Variants in CADM2 observed in about 807,000 individuals in gnomAD.
CADM2 encodes immunoglobulin superfamily member 4D.
Under a neutral mutation model 49.8 loss-of-function variants are expected in CADM2, and 12 were observed. The observed-to-expected ratio is 0.24, with a 90% confidence interval of 0.15 to 0.39. The LOEUF is 0.39. Ranked by LOEUF, CADM2 falls within the 10% of genes least tolerant of loss-of-function variation. CADM2 has a pLI of 1.00. For synonymous variants in CADM2, 214 were observed against 175.4 expected, an observed-to-expected ratio of 1.22 and a Z score of -1.74; for missense variants, 378 against 492.3, an observed-to-expected ratio of 0.77 and a Z score of 2.20.
At chr3:85,840,681 C>T (rs2074602840) in intron 3 of CADM2, among the ~76,000 whole-genome samples, 1 of 151,756 alleles carries the variant, frequency 6.6e-6, no homozygotes, top group Non-Finnish European at 1.5e-5. Flanking sequence ...CTGTTACTTG[C>T]AGTATCCCTT....
At chr3:85,556,572 C>A (rs1327820034) in intron 1 of CADM2, among the ~76,000 whole-genome samples, 1 of 152,126 alleles carries the variant, frequency 6.6e-6, no homozygotes, top group Non-Finnish European at 1.5e-5. Context: ...GCAATGACAG[C>A]AGTCGTTATT....
chr3:85,766,989 A>G (rs547378437), intron 2 of CADM2, among the ~76,000 whole-genome samples: 3 of 152,268 alleles, frequency 2.0e-5, no homozygotes, highest in Admixed American at 6.5e-5. Context: ...ACAGGGTATG[A>G]AACAACAAAT....
intron 1 of CADM2, among the ~76,000 whole-genome samples, chr3:85,386,099 A>AT (rs2034213369): frequency 6.6e-6 from 1 of 152,092 alleles, no homozygotes; most frequent in Non-Finnish European, 1.5e-5. Context: ...ATACTACTTT[A>AT]TTTGCATCCT....
rs534386772 is a variant in CADM2 at position 85,659,612 on chromosome 3, T to G, written c.62-66910T>G. Reference sequence around the variant, plus strand: ...TTTCATTCAGAATTCCAGATAAAGCTCTCCATAAATCCTTATGTAGCATTT... The same window carrying G: ...TTTCATTCAGAATTCCAGATAAAGCGCTCCATAAATCCTTATGTAGCATTT... On this transcript the variant is annotated intron_variant, in intron 1 of 9. Coordinates refer to ENST00000383699, the MANE Select transcript of CADM2 (RefSeq NM_001167675.2). 3.3e-3 allele frequency among the ~76,000 whole-genome samples: 507 copies of G among 152,256 alleles called. 4 individuals carry two copies. The highest frequency in any genetic ancestry group is 6.2e-3 in the South Asian group (30 of 4,828).
chr3:85,315,996 T>C (rs2044456859), intron 1 of CADM2, among the ~76,000 whole-genome samples: 1 of 152,164 alleles, frequency 6.6e-6, no homozygotes, highest in Non-Finnish European at 1.5e-5. Context: ...ACACATTGTC[T>C]TCTAACTGTA....
chr3:85,697,267 A>G (rs2066597803), intron 1 of CADM2, among the ~76,000 whole-genome samples: 1 of 151,840 alleles, frequency 6.6e-6, no homozygotes, highest in Admixed American at 6.6e-5. Context: ...AATCCACATA[A>G]TATTCCCAAA....
At chr3:85,380,016 A>G (rs1283007859) in intron 1 of CADM2, among the ~76,000 whole-genome samples, 1 of 152,022 alleles carries the variant, frequency 6.6e-6, no homozygotes, top group Admixed American at 6.6e-5. Context: ...TTTCTGAAAA[A>G]CATGTCCAAT....
chr3:85,815,517 C>G, intron 3 of CADM2, among the ~76,000 whole-genome samples: 1 of 151,846 alleles, frequency 6.6e-6, no homozygotes, highest in South Asian at 2.1e-4. Flanking sequence ...TCAATAGATG[C>G]AAAAAAGGTC....
chr3:85,166,038 A>G (rs1408624750), intron 1 of CADM2, among the ~76,000 whole-genome samples: 1 of 151,764 alleles, frequency 6.6e-6, no homozygotes, highest in African/African-American at 2.4e-5. Context: ...TATTAACCCA[A>G]CATGTAGTTC....
Position 85,127,225 on chromosome 3 carries a change from T to C in CADM2, c.61+167557T>C, listed in dbSNP as rs182304031. On this transcript the variant is annotated intron_variant, in intron 1 of 9. Transcript: ENST00000383699. ...TGTGTGGAAAACATATCTACCAAAATATATTTATATGTATTAAGCTTCCTT... is the reference window on the plus strand; with the variant it reads ...TGTGTGGAAAACATATCTACCAAAACATATTTATATGTATTAAGCTTCCTT... 3.4e-4 allele frequency among the ~76,000 whole-genome samples: 52 copies of C among 152,316 alleles called. 1 individual carries two copies. In the East Asian group the frequency reaches 8.9e-3, roughly 26 times the overall value.
At chr3:85,856,682 A>G (rs937090788) in intron 3 of CADM2, among the ~76,000 whole-genome samples, 1 of 152,176 alleles carries the variant, frequency 6.6e-6, no homozygotes, top group African/African-American at 2.4e-5. Flanking sequence ...ATATTAAATA[A>G]TATGTTGAAA....
intron 1 of CADM2, among the ~76,000 whole-genome samples, chr3:84,998,627 A>C (rs776724957): frequency 5.3e-5 from 8 of 152,150 alleles, no homozygotes; most frequent in Non-Finnish European, 1.0e-4. Flanking sequence ...GTAAATTTTG[A>C]GACTTGCAAC....
At chr3:85,529,627 G>T (rs1348026038) in intron 1 of CADM2, among the ~76,000 whole-genome samples, 2 of 151,902 alleles carry the variant, frequency 1.3e-5, no homozygotes, top group Admixed American at 1.3e-4. Context: ...ATTAAAACAT[G>T]GTCTACCTTG....
rs1048165299 is a variant in CADM2, at chr3:85,446,904, GA to G, written c.62-279616del. Among the ~76,000 whole-genome samples, 22 of 147,212 alleles carry G rather than the reference GA, an allele frequency of 1.5e-4. No individual in the cohort carries two copies. In the Admixed American group the frequency reaches 1.5e-3, roughly 10 times the overall value. ...GGCATGAGCCACTGCACCTGGCCATGAACGATTTTTAGTGCCTCTTCAGTCA... is the reference window on the plus strand; with the variant it reads ...GGCATGAGCCACTGCACCTGGCCATGACGATTTTTAGTGCCTCTTCAGTCA... On this transcript the variant is annotated intron_variant, in intron 1 of 9. Coordinates refer to ENST00000383699, the MANE Select transcript of CADM2 (RefSeq NM_001167675.2).
intron 1 of CADM2, among the ~76,000 whole-genome samples, chr3:85,710,602 G>A (rs148122422): frequency 6.6e-6 from 1 of 152,188 alleles, no homozygotes; most frequent in East Asian, 1.9e-4. Context: ...CATTGATTGA[G>A]GACAGTTTAA....
intron 1 of CADM2, among the ~76,000 whole-genome samples, chr3:85,165,978 A>G (rs1444244160): frequency 2.0e-5 from 3 of 151,774 alleles, no homozygotes; most frequent in Non-Finnish European, 4.4e-5. Flanking sequence ...GTATCATTCT[A>G]TAAAGCCACT....
At chr3:85,543,883 G>A (rs549507628) in intron 1 of CADM2, among the ~76,000 whole-genome samples, 3 of 152,202 alleles carry the variant, frequency 2.0e-5, no homozygotes, top group African/African-American at 7.2e-5. Context: ...TCACATAGGG[G>A]ATTAAGTTTT....
intron 1 of CADM2, among the ~76,000 whole-genome samples, chr3:85,165,112 A>G (rs1438160556): frequency 6.6e-6 from 1 of 151,828 alleles, no homozygotes; most frequent in Non-Finnish European, 1.5e-5. Context: ...TTGGTATTAA[A>G]TATAATTAAT....
chr3:85,167,783 GC>G (rs1182055105), intron 1 of CADM2, among the ~76,000 whole-genome samples: 1 of 152,112 alleles, frequency 6.6e-6, no homozygotes, highest in African/African-American at 2.4e-5. Context: ...TGCAAGGTAT[GC>G]AAAAAGTAAA....
Sources: gnomAD v4.1 joint callset for allele counts (sites outside exome capture counted in the v4.1 genomes callset) on GRCh38, gnomAD v4.1.1 for gene constraint, MANE v1.5 for transcripts, NCBI Gene and HGNC (gene_info 2026-07-23, HGNC 2026-07-21) for gene names.